RBM26: variants seen among roughly 807,000 people sequenced by gnomAD.
The protein encoded by RBM26 is RNA binding motif protein 26, also known as RNA-binding protein 26.
RBM26 carries 30 observed loss-of-function variants against 123.6 expected under a neutral mutation model. That is an observed-to-expected ratio of 0.24 (90% CI 0.18 to 0.33). The LOEUF (loss-of-function observed/expected upper bound fraction) is 0.33. Ranked by LOEUF, RBM26 falls within the 10% of genes least tolerant of loss-of-function variation. The pLI is 1.00. For missense variants in RBM26, 947 were observed against 1,203.6 expected, an observed-to-expected ratio of 0.79 and a Z score of 3.15; for synonymous variants, 400 against 404.4, an observed-to-expected ratio of 0.99 and a Z score of 0.13.
rs201362255 is a variant in RBM26 at position 79,344,759 on chromosome 13, C to G, written c.2094G>C (p.Val698=). The change falls in exon 15 of 22, where the codon GTG becomes GTC. Residue 698 remains valine, a synonymous_variant. Transcript: ENST00000438737. ...LSTSTGLTKT[V]YNPAALKAAQ... ...CAGCCTTCAAAGCAGCTGGATTATA[C>G]ACTGTTTTTGTTAGGCCAGTAGATG... is the stretch of plus-strand genomic sequence containing the variant. The G allele has an allele frequency of 1.2e-4, 200 of 1,613,100 alleles. No homozygotes were observed. Among genetic ancestry groups the G allele is most frequent in the Non-Finnish European group, 1.6e-4 (189 of 1,179,380 alleles).
At position 79,405,513 on chromosome 13, in the gene RBM26, G is replaced by C. The variant is rs556588065; in HGVS notation, c.71+191C>G. On this transcript the variant is annotated intron_variant, in intron 1 of 21. Coordinates refer to ENST00000438737, the MANE Select transcript of RBM26 (RefSeq NM_001366735.2). ...GAGAGCAGCTCAGCAATAAAATAAAGCTCGACTCAGGCTCTCGGGGGTATC... is the reference window on the plus strand; with the variant it reads ...GAGAGCAGCTCAGCAATAAAATAAACCTCGACTCAGGCTCTCGGGGGTATC... Among the ~76,000 whole-genome samples the C allele has an allele frequency of 3.3e-5, 5 of 152,008 alleles. No individual in the cohort carries two copies. The East Asian group carries it at 9.7e-4, about 30-fold the overall frequency.
intron 3 of RBM26, among the ~76,000 whole-genome samples, chr13:79,372,908 A>G (rs1249997860): frequency 1.4e-5 from 1 of 71,428 alleles, no homozygotes; most frequent in African/African-American, 5.7e-5. Context: ...TATCTTATAT[A>G]TTACATATTT....
chr13:79,401,130 T>C (rs1408418476), intron 1 of RBM26, among the ~76,000 whole-genome samples: 1 of 152,130 alleles, frequency 6.6e-6, no homozygotes, highest in Non-Finnish European at 1.5e-5. Flanking sequence ...AAAAAGATCA[T>C]TTAGCCAACC....
intron 9 of RBM26, among the ~76,000 whole-genome samples, chr13:79,364,243 T>C (rs1054987021): frequency 4.6e-5 from 7 of 152,190 alleles, no homozygotes; most frequent in African/African-American, 1.7e-4. Flanking sequence ...TAAATCTGAA[T>C]TAAAACATTC....
downstream of RBM26, among the ~76,000 whole-genome samples, chr13:79,316,192 GGTGTGTGTGTGT>G (rs3064578): frequency 2.5e-4 from 35 of 142,096 alleles, no homozygotes; most frequent in East Asian, 1.1e-3. Context: ...AAGTGGGGCA[GGTGTGTGTGTGT>G]GTGTGTGTGT....
chr13:79,329,032 T>A (rs1248918344), intron 20 of RBM26, among the ~76,000 whole-genome samples: 8 of 151,814 alleles, frequency 5.3e-5, no homozygotes, highest in Admixed American at 5.3e-4. Context: ...GGTGGGCAAA[T>A]AAGTATAACC....
chr13:79,320,742 C>CAAAAAAAAAAAAAAAAAA (rs34668220), intron 21 of RBM26, 32 bp from the exon 22 acceptor site: 1 of 1,007,208 alleles, frequency 9.9e-7, no homozygotes. Flanking sequence ...GGAATTTACC[C>CAAAAAAAAAAAAAAAAAA]AAAAAAAAAA....
At chr13:79,357,527 T>C (rs2074170134) in intron 11 of RBM26, among the ~76,000 whole-genome samples, 1 of 152,144 alleles carries the variant, frequency 6.6e-6, no homozygotes, top group South Asian at 2.1e-4. Context: ...AAATTACTGT[T>C]AGTGTTACTT....
At chr13:79,382,955 G>A (rs1249266532) in intron 1 of RBM26, among the ~76,000 whole-genome samples, 1 of 560 alleles carries the variant, frequency 1.8e-3, no homozygotes, top group Non-Finnish European at 7.1e-3. Flanking sequence ...GAGAGAACTT[G>A]GTAAGTCTTC....
intron 1 of RBM26, among the ~76,000 whole-genome samples, chr13:79,383,794 GA>G (rs1208317807): frequency 6.6e-6 from 1 of 152,068 alleles, no homozygotes; most frequent in African/African-American, 2.4e-5. Flanking sequence ...GAGAAAGGAA[GA>G]AAGGTAAGGA....
At chr13:79,366,929 C>T (rs959857473) in intron 6 of RBM26, 57 bp from the exon 7 acceptor site, 29 of 1,403,344 alleles carry the variant, frequency 2.1e-5, no homozygotes, top group Non-Finnish European at 4.8e-6. Context: ...TATATATTTT[C>T]TCTAAGTTAG....
At chr13:79,314,147 T>C (rs186553561), downstream of RBM26, 151 of 151,900 alleles carry the variant, frequency 9.9e-4, no homozygotes, top group African/African-American at 3.5e-3. Context: ...TATTAAGTCA[T>C]ACTGCTTATA....
chr13:79,325,718 TTAGTA>T (rs1399673643), intron 20 of RBM26, among the ~76,000 whole-genome samples: 2 of 152,094 alleles, frequency 1.3e-5, no homozygotes, highest in Non-Finnish European at 2.9e-5. Flanking sequence ...TCTTATAAAC[TTAGTA>T]TAGCCTAAGT....
rs950381871 is a variant in RBM26, at chr13:79,377,400, T to G, written c.306A>C (p.Glu102Asp). ...SLKVEFFPHQ[E>D]KDIKKEEITK... is the part of the protein sequence containing the mutation. ...TTACCTCTTCCTTCTTTATATCTTT[T>G]TCTTGGTGTGGAAAAAATTCTACCT... The change falls in exon 3 of 22, where the codon GAA (glutamate) becomes GAC (aspartate). Residue 102 changes from glutamate to aspartate, a missense_variant. Glu to Asp is a conservative substitution (Grantham distance 45). This residue lies in a region of RBM26 where 275 missense variants were observed against 361.0 expected (regional missense o/e 0.76). Coordinates refer to ENST00000438737, the MANE Select transcript of RBM26 (RefSeq NM_001366735.2). 6.2e-7 allele frequency: 1 copy of G among 1,613,864 alleles called. No homozygotes were observed. The highest frequency in any genetic ancestry group is 1.7e-5 in the Admixed American group (1 of 60,022).
intron 2 of RBM26, among the ~76,000 whole-genome samples, chr13:79,377,903 G>C (rs192731640): frequency 6.7e-6 from 1 of 149,928 alleles, no homozygotes; most frequent in Non-Finnish European, 1.5e-5. Flanking sequence ...ACTCCCGCCT[G>C]GGTGACAGAG....
At chr13:79,391,023 T>C (rs1423407346) in intron 1 of RBM26, among the ~76,000 whole-genome samples, 1 of 152,224 alleles carries the variant, frequency 6.6e-6, no homozygotes, top group East Asian at 1.9e-4. Flanking sequence ...AGTCAAGTTT[T>C]ATAGAGATAA....
chr13:79,365,715 G>A lies in RBM26; in HGVS notation c.1280C>T (p.Thr427Ile). ...PAPPSLFTAD[T>I]YDTDGYNPEA... ...AGGATTGTAGCCATCTGTGTCATAT[G>A]TATCTGGTAATACAAAAACTGTAAT... The change falls in exon 9 of 22, where the codon ACA becomes ATA. Residue 427 changes from threonine (T) to isoleucine (I), a missense_variant. By Grantham distance (89) the Thr-to-Ile change is moderately conservative. Transcript: ENST00000438737. 6.2e-7 allele frequency: 1 copy of A among 1,609,920 alleles called. No individual in the cohort carries two copies. Among genetic ancestry groups the A allele is most frequent in the South Asian group, 1.1e-5 (1 of 89,602 alleles).
At chr13:79,399,567 C>T (rs1359555999) in intron 1 of RBM26, among the ~76,000 whole-genome samples, 1 of 152,142 alleles carries the variant, frequency 6.6e-6, no homozygotes, top group Non-Finnish European at 1.5e-5. Context: ...CATTAGCTTT[C>T]TTAAAGGCAA....
chr13:79,373,766 A>G (rs867564628), intron 3 of RBM26, among the ~76,000 whole-genome samples: 2 of 136,952 alleles, frequency 1.5e-5, no homozygotes, highest in Admixed American at 8.6e-5. Context: ...TGGGAAAACA[A>G]TATATAAGGT....
Sources: gnomAD v4.1 joint callset for allele counts (sites outside exome capture counted in the v4.1 genomes callset) on GRCh38, gnomAD v4.1.1 for gene constraint, gnomAD v4.1.1 regional missense constraint, MANE v1.5 for transcripts, NCBI Gene and HGNC (gene_info 2026-07-23, HGNC 2026-07-21) for gene names.